LYPD6: variants seen among roughly 807,000 people sequenced by gnomAD.
LYPD6 encodes the protein ly6/PLAUR domain-containing protein 6.
Under a neutral mutation model 22.7 loss-of-function variants are expected in LYPD6, and 15 were observed. That is an observed-to-expected ratio of 0.66 (90% CI 0.44 to 1.02). The LOEUF is 1.02. Among genes scored for constraint, LYPD6 ranks in the 50% least tolerant of loss-of-function variants. The pLI is 0.00. For missense variants in LYPD6, 189 were observed against 208.4 expected (o/e 0.91, Z 0.57); for synonymous variants, 72 against 77.5 (o/e 0.93, Z 0.37).
At chr2:149,443,074 A>G (rs1683604149) in intron 2 of LYPD6, among the ~76,000 whole-genome samples, 1 of 152,194 alleles carries the variant, frequency 6.6e-6, no homozygotes, top group South Asian at 2.1e-4. Flanking sequence ...TCCTGTTTAA[A>G]TTTCAATATA....
At chr2:149,406,721 A>C (rs1682719514) in intron 1 of LYPD6, among the ~76,000 whole-genome samples, 1 of 151,780 alleles carries the variant, frequency 6.6e-6, no homozygotes, top group Non-Finnish European at 1.5e-5. Flanking sequence ...TGGAGCATTT[A>C]GTCCATTTAC....
At chr2:149,333,047 C>T (rs1559115237) in intron 1 of LYPD6, among the ~76,000 whole-genome samples, 2 of 151,982 alleles carry the variant, frequency 1.3e-5, no homozygotes, top group African/African-American at 4.8e-5. Context: ...GCTCTGTAGA[C>T]GATTAACAAT....
At chr2:149,350,399 G>C (rs1297784730) in intron 1 of LYPD6, among the ~76,000 whole-genome samples, 2 of 152,198 alleles carry the variant, frequency 1.3e-5, no homozygotes, top group Non-Finnish European at 2.9e-5. Flanking sequence ...ATAACCAGGT[G>C]TGACATTCCA....
chr2:149,428,859 G>A (rs1168236813), intron 1 of LYPD6, among the ~76,000 whole-genome samples: 1 of 152,202 alleles, frequency 6.6e-6, no homozygotes, highest in Non-Finnish European at 1.5e-5. Flanking sequence ...AAGAAAATAG[G>A]TAACGTTCCT....
intron 1 of LYPD6, among the ~76,000 whole-genome samples, chr2:149,378,314 C>T (rs912015687): frequency 1.3e-4 from 20 of 152,064 alleles, no homozygotes; most frequent in Non-Finnish European, 1.3e-4. Context: ...GACAGAATTT[C>T]GCCATGTTGC....
chr2:149,409,284 C>G (rs1169644923), intron 1 of LYPD6, among the ~76,000 whole-genome samples: 1 of 152,174 alleles, frequency 6.6e-6, no homozygotes, highest in Non-Finnish European at 1.5e-5. Context: ...GCCGTGGATA[C>G]CAGCACCTGC....
At chr2:149,412,059 C>T (rs184481168) in intron 1 of LYPD6, among the ~76,000 whole-genome samples, 51 of 152,142 alleles carry the variant, frequency 3.4e-4, no homozygotes, top group African/African-American at 1.1e-3. Flanking sequence ...TGTGCATTCT[C>T]GCCTATATTA....
intron 1 of LYPD6, among the ~76,000 whole-genome samples, chr2:149,407,638 A>T (rs1164656695): frequency 6.6e-6 from 1 of 151,948 alleles, no homozygotes; most frequent in Non-Finnish European, 1.5e-5. Context: ...ATTCGTCTAA[A>T]TTTTTTTCAA....
chr2:149,342,110 T>C (rs1681171486), intron 1 of LYPD6, among the ~76,000 whole-genome samples: 2 of 152,176 alleles, frequency 1.3e-5, no homozygotes, highest in Admixed American at 1.3e-4. Context: ...GTATTGAGGG[T>C]ATTCACAAAA....
At chr2:149,396,391 C>T (rs900048136) in intron 1 of LYPD6, among the ~76,000 whole-genome samples, 7 of 152,042 alleles carry the variant, frequency 4.6e-5, no homozygotes, top group Non-Finnish European at 8.8e-5. Context: ...GCCTGCAGCC[C>T]TGCTTCTTCC....
At chr2:149,355,390 C>T (rs1573737540) in intron 1 of LYPD6, among the ~76,000 whole-genome samples, 1 of 152,200 alleles carries the variant, frequency 6.6e-6, no homozygotes, top group East Asian at 1.9e-4. Flanking sequence ...ATCTCATAAA[C>T]ATTAGCATTT....
chr2:149,427,128 T>C (rs1267982524), intron 1 of LYPD6, among the ~76,000 whole-genome samples: 1 of 152,220 alleles, frequency 6.6e-6, no homozygotes, highest in Non-Finnish European at 1.5e-5. Context: ...GTAACTCTTT[T>C]TTTGATTAAA....
At chr2:149,466,575 G>A (rs973490446) in intron 3 of LYPD6, among the ~76,000 whole-genome samples, 18 of 152,110 alleles carry the variant, frequency 1.2e-4, no homozygotes, top group Admixed American at 5.9e-4. Flanking sequence ...CAGTTGTTGC[G>A]TCTACTGTCA....
At chr2:149,418,190 A>G (rs1276829870) in intron 1 of LYPD6, among the ~76,000 whole-genome samples, 1 of 152,208 alleles carries the variant, frequency 6.6e-6, no homozygotes, top group African/African-American at 2.4e-5. Flanking sequence ...CCTGTTGATT[A>G]TAAGCCAAAG....
intron 1 of LYPD6, among the ~76,000 whole-genome samples, chr2:149,419,258 T>G (rs1683028106): frequency 6.6e-6 from 1 of 152,222 alleles, no homozygotes; most frequent in African/African-American, 2.4e-5. Context: ...AGGCCCAGAA[T>G]ATCTCCCATA....
At chr2:149,442,616 C>T (rs1259360294) in intron 2 of LYPD6, among the ~76,000 whole-genome samples, 2 of 149,062 alleles carry the variant, frequency 1.3e-5, no homozygotes, top group African/African-American at 5.0e-5. Flanking sequence ...GCAAATAGCA[C>T]ATCTCTTAGG....
At chr2:149,460,484 G>T (rs955016157) in intron 3 of LYPD6, among the ~76,000 whole-genome samples, 1 of 152,090 alleles carries the variant, frequency 6.6e-6, no homozygotes, top group Admixed American at 6.6e-5. Context: ...TGAAAAATAT[G>T]TGCAACAGAA....
intron 1 of LYPD6, among the ~76,000 whole-genome samples, chr2:149,407,272 T>G (rs565158818): frequency 2.8e-4 from 42 of 152,228 alleles, no homozygotes; most frequent in African/African-American, 8.9e-4. Context: ...GAATCTGAAT[T>G]TTGGCCTGCC....
intron 1 of LYPD6, among the ~76,000 whole-genome samples, chr2:149,346,736 T>A (rs1681262932): frequency 6.6e-6 from 1 of 152,214 alleles, no homozygotes; most frequent in Non-Finnish European, 1.5e-5. Context: ...AGTCTTGCTC[T>A]GTCACCCAGG....
Sources: gnomAD v4.1 joint callset for allele counts (sites outside exome capture counted in the v4.1 genomes callset) on GRCh38, gnomAD v4.1.1 for gene constraint, MANE v1.5 for transcripts, NCBI Gene and HGNC (gene_info 2026-07-23, HGNC 2026-07-21) for gene names.